Variants in NTM observed in about 807,000 individuals in gnomAD.
NTM encodes neurotrimin.
In NTM, 13 loss-of-function variants were observed where a neutral mutation model predicts 42.1. That is an observed-to-expected ratio of 0.31 (90% CI 0.20 to 0.49). The LOEUF is 0.49. Ranked by LOEUF, NTM falls within the 20% of genes least tolerant of loss-of-function variation. The pLI, the probability that NTM is intolerant of heterozygous loss-of-function variation, is 0.99. For missense variants in NTM, 373 were observed against 452.8 expected (o/e 0.82, Z 1.60); for synonymous variants, 187 against 179.2 (o/e 1.04, Z -0.35).
intron 1 of NTM, among the ~76,000 whole-genome samples, chr11:131,419,344 G>A (rs1947274795): frequency 6.6e-6 from 1 of 152,146 alleles, no homozygotes; most frequent in African/African-American, 2.4e-5. Context: ...AAGTAAATTG[G>A]TGAGTACTAC....
At chr11:132,051,717 A>G (rs2078883002) in intron 2 of NTM, among the ~76,000 whole-genome samples, 1 of 152,190 alleles carries the variant, frequency 6.6e-6, no homozygotes, top group Admixed American at 6.5e-5. Flanking sequence ...AATGCTGGCT[A>G]AGCCCTGGCC....
chr11:131,575,939 T>C (rs1234700478), intron 1 of NTM, among the ~76,000 whole-genome samples: 2 of 152,240 alleles, frequency 1.3e-5, no homozygotes, highest in African/African-American at 4.8e-5. Flanking sequence ...GCAATGCGTC[T>C]TCTAATACCA....
At chr11:132,270,155 A>G (rs1243722381) in intron 4 of NTM, among the ~76,000 whole-genome samples, 1 of 152,178 alleles carries the variant, frequency 6.6e-6, no homozygotes, top group Non-Finnish European at 1.5e-5. Context: ...TCTTCACTTG[A>G]CATAGTCTCT....
At chr11:131,384,764 G>A (rs1000501743) in intron 1 of NTM, among the ~76,000 whole-genome samples, 2 of 152,202 alleles carry the variant, frequency 1.3e-5, no homozygotes, top group Non-Finnish European at 1.5e-5. Flanking sequence ...AGTGAGGAAG[G>A]AGAGAAGTGT....
At chr11:132,207,965 G>A (rs2082237472) in intron 3 of NTM, among the ~76,000 whole-genome samples, 1 of 152,166 alleles carries the variant, frequency 6.6e-6, no homozygotes, top group African/African-American at 2.4e-5. Flanking sequence ...ACTCCTTGAG[G>A]AAAAGGATGG....
intron 2 of NTM, among the ~76,000 whole-genome samples, chr11:132,001,704 G>C (rs2069286609): frequency 6.6e-6 from 1 of 151,876 alleles, no homozygotes; most frequent in Non-Finnish European, 1.5e-5. Context: ...CCAAACACTG[G>C]GGATTGTAAT....
At position 132,146,959 on chromosome 11, in the gene NTM, A is replaced by G. The variant is rs528177555; in HGVS notation, c.400+445A>G. The G allele has an allele frequency of 5.6e-6, 1 of 179,150 alleles. No homozygotes were observed. The highest frequency in any genetic ancestry group is 1.2e-5 in the Non-Finnish European group (1 of 85,468). The allele number at this position is 179,150 out of a possible 1,614,324, so 11.1% of individuals were successfully genotyped here. On this transcript the variant is annotated intron_variant, in intron 3 of 8. Coordinates refer to ENST00000683400, the MANE Select transcript of NTM (RefSeq NM_001352005.2). This position sits in a 1 kb window ranked among gnomAD's most constrained non-coding sequence, Gnocchi z 4.5. ...TCCAGCCTTGAACGAAAGCAGAGCC[A>G]ACCAGGATGCACTGGGCACTGCCCT...
At chr11:131,597,601 T>A (rs1317488852) in intron 1 of NTM, among the ~76,000 whole-genome samples, 1 of 152,178 alleles carries the variant, frequency 6.6e-6, no homozygotes. Context: ...CCCTTACCCC[T>A]GGGAAGGAGG....
intron 2 of NTM, among the ~76,000 whole-genome samples, chr11:132,109,295 T>C (rs1334859867): frequency 6.6e-6 from 1 of 152,154 alleles, no homozygotes; most frequent in Non-Finnish European, 1.5e-5. Flanking sequence ...CCACAATCAA[T>C]GAACTAATTT....
intron 2 of NTM, among the ~76,000 whole-genome samples, chr11:132,135,773 C>A (rs1319836894): frequency 6.6e-6 from 1 of 152,182 alleles, no homozygotes; most frequent in African/African-American, 2.4e-5. Context: ...GGGGCCTGGG[C>A]TGAAGGCTGA....
chr11:132,259,729 T>C (rs2092727696), intron 4 of NTM, among the ~76,000 whole-genome samples: 1 of 151,144 alleles, frequency 6.6e-6, no homozygotes, highest in South Asian at 2.1e-4. Flanking sequence ...ACTAGGACAG[T>C]TTTTTGTTTT....
intron 1 of NTM, among the ~76,000 whole-genome samples, chr11:131,698,919 C>G (rs1167249863): frequency 6.6e-6 from 1 of 152,154 alleles, no homozygotes; most frequent in Non-Finnish European, 1.5e-5. Flanking sequence ...TTCTAACTTA[C>G]CTTGATATTG....
At chr11:131,794,683 G>A (rs1427384034) in intron 1 of NTM, 24 of 985,242 alleles carry the variant, frequency 2.4e-5, no homozygotes, top group Non-Finnish European at 2.9e-5. Context: ...CCTTTTAGAA[G>A]TCATTTTTAA....
chr11:131,683,961 G>T (rs982592806), intron 1 of NTM, among the ~76,000 whole-genome samples: 1 of 152,308 alleles, frequency 6.6e-6, no homozygotes, highest in East Asian at 1.9e-4. Context: ...GCAGGCGGTG[G>T]CAAGAGGTTA....
In NTM at chr11:132,212,144, A is replaced by G. The variant is rs1175773326; in HGVS notation, c.523A>G (p.Lys175Glu). 1 of 1,610,074 alleles carries G rather than the reference A, an allele frequency of 6.2e-7. No individual in the cohort carries two copies. The highest frequency in any genetic ancestry group is 1.1e-5 in the South Asian group (1 of 89,870). Reference sequence around the variant, plus strand: ...GGTTACTTGGAGACACATCTCTCCCAAAGGTAAGAGAACAGTTTGTTGCAT... The same window carrying G: ...GGTTACTTGGAGACACATCTCTCCCGAAGGTAAGAGAACAGTTTGTTGCAT... Reference protein sequence around the residue: ...PTVTWRHISPKAVGFVSEDEY... With the variant: ...PTVTWRHISPEAVGFVSEDEY... The change falls in exon 4 of 9, where the codon AAA becomes GAA. Residue 175 changes from lysine to glutamate, a missense_variant. Coordinates refer to ENST00000683400, the MANE Select transcript of NTM (RefSeq NM_001352005.2).
chr11:132,217,104 G>T (rs543566696), intron 4 of NTM, among the ~76,000 whole-genome samples: 67 of 152,286 alleles, frequency 4.4e-4, no homozygotes, highest in African/African-American at 1.6e-3. Context: ...GGCCATTCTA[G>T]TGGGCATCTG....
At chr11:131,691,760 T>G (rs2074781218) in intron 1 of NTM, among the ~76,000 whole-genome samples, 1 of 152,156 alleles carries the variant, frequency 6.6e-6, no homozygotes, top group Non-Finnish European at 1.5e-5. Context: ...GGGGCTGGGC[T>G]GGGCGCAGCG....
intron 2 of NTM, among the ~76,000 whole-genome samples, chr11:132,042,559 A>G (rs1202475150): frequency 6.6e-6 from 1 of 152,332 alleles, no homozygotes; most frequent in East Asian, 1.9e-4. Flanking sequence ...TCCAGTGAAA[A>G]GGCTCTCGCT....
chr11:131,804,981 C>A (rs866674990), intron 1 of NTM, among the ~76,000 whole-genome samples: 2 of 152,158 alleles, frequency 1.3e-5, no homozygotes, highest in Non-Finnish European at 2.9e-5. Context: ...TGACATCAGG[C>A]ATTAAACCTG....
Sources: allele counts gnomAD v4.1 joint callset (sites outside exome capture counted in the v4.1 genomes callset), GRCh38; gene constraint gnomAD v4.1.1; non-coding constraint Gnocchi (gnomAD v3.1); transcripts MANE v1.5; gene names NCBI Gene and HGNC (gene_info 2026-07-23, HGNC 2026-07-21).